The following SESN1 variants were observed in gnomAD, a reference collection of about 807,000 sequenced individuals.
SESN1 encodes sestrin 1, also known as sestrin-1.
A neutral mutation model predicts 59.3 loss-of-function variants in SESN1; 30 were observed. The ratio of observed to expected loss-of-function variants is 0.51; its 90% CI spans 0.38 to 0.69. SESN1 has a LOEUF of 0.69. SESN1 is among the 30% of genes least tolerant of loss of function. The pLI is 0.00. For missense variants in SESN1, 566 were observed against 673.0 expected (o/e 0.84, Z 1.76); for synonymous variants, 197 against 219.9 (o/e 0.90, Z 0.92).
chr6:108,990,230 A>G (rs1779342031), intron 8 of SESN1, among the ~76,000 whole-genome samples: 1 of 152,186 alleles, frequency 6.6e-6, no homozygotes, highest in Non-Finnish European at 1.5e-5. Context: ...GAGAGCAAGT[A>G]CTCCTCAGAA....
At chr6:109,012,054 G>T (rs1779867696) in intron 1 of SESN1, among the ~76,000 whole-genome samples, 3 of 152,144 alleles carry the variant, frequency 2.0e-5, no homozygotes, top group Admixed American at 2.0e-4. Context: ...TGTTCTGAAG[G>T]TGCTGCTCCT....
chr6:109,028,205 A>G (rs1780125419), intron 1 of SESN1, among the ~76,000 whole-genome samples: 1 of 152,230 alleles, frequency 6.6e-6, no homozygotes. Context: ...AATAGATCAT[A>G]TAAATTTTAT....
chr6:109,019,817 A>AT (rs959910288), intron 1 of SESN1, among the ~76,000 whole-genome samples: 1 of 152,226 alleles, frequency 6.6e-6, no homozygotes, highest in Non-Finnish European at 1.5e-5. Context: ...AACTTGCTTT[A>AT]TGTCAATAAA....
intron 1 of SESN1, among the ~76,000 whole-genome samples, chr6:109,041,372 G>A (rs148885963): frequency 6.6e-6 from 1 of 151,990 alleles, no homozygotes; most frequent in Non-Finnish European, 1.5e-5. Context: ...ATGACCTTTT[G>A]CTATTTCTCA....
intron 1 of SESN1, among the ~76,000 whole-genome samples, chr6:109,089,625 T>C (rs1007868748): frequency 6.6e-6 from 1 of 152,108 alleles, no homozygotes; most frequent in African/African-American, 2.4e-5. Flanking sequence ...CAGTCATTTT[T>C]CCCCTAAATT....
At chr6:109,044,579 T>A (rs923315326) in intron 1 of SESN1, among the ~76,000 whole-genome samples, 9 of 152,090 alleles carry the variant, frequency 5.9e-5, no homozygotes, top group African/African-American at 2.2e-4. Flanking sequence ...TACATCTAGA[T>A]CACCCTGAAT....
At chr6:109,000,714 C>T (rs936895704) in intron 3 of SESN1, 41 bp from the exon 4 acceptor site, 1 of 1,415,424 alleles carries the variant, frequency 7.1e-7, no homozygotes, top group African/African-American at 1.5e-5. Context: ...ATATTAAAAC[C>T]TTGAACTACA....
chr6:109,048,814 T>C (rs1288370424), intron 1 of SESN1, among the ~76,000 whole-genome samples: 2 of 152,186 alleles, frequency 1.3e-5, no homozygotes, highest in East Asian at 3.8e-4. Flanking sequence ...TCACAATTTA[T>C]TCTATGTGTT....
chr6:109,010,776 A>C (rs1779845477), intron 1 of SESN1, among the ~76,000 whole-genome samples: 1 of 152,242 alleles, frequency 6.6e-6, no homozygotes, highest in Admixed American at 6.5e-5. Context: ...AGAAAAGGCT[A>C]CAGAGGCTTC....
At chr6:109,093,224 A>G (rs1583304572) in intron 1 of SESN1, among the ~76,000 whole-genome samples, 2 of 152,340 alleles carry the variant, frequency 1.3e-5, no homozygotes, top group South Asian at 4.1e-4. Flanking sequence ...GCAATTTGCC[A>G]TAAAAGTGTT....
rs1404436026 is a variant in SESN1 at position 109,009,549 on chromosome 6, G to A, written c.280-7206C>T. 64 of 994,890 alleles carry A rather than the reference G, an allele frequency of 6.4e-5. 1 individual carries two copies. The East Asian group carries it at 2.3e-3, about 35-fold the overall frequency. The allele number at this position is 994,890 out of a possible 1,614,324, so 61.6% of individuals were successfully genotyped here. A position where few individuals can be genotyped will look rare whatever the true frequency, so the allele number is the denominator to read the frequency against. ...CTGGCTGCAGCGCCTCAGTCAGCAC[G>A]GACGGCGGGGGGGCGGGGCGGCGCC... is the stretch of plus-strand genomic sequence containing the variant. On this transcript the variant is annotated intron_variant, in intron 1 of 9. Coordinates refer to ENST00000436639, the MANE Select transcript of SESN1 (RefSeq NM_014454.3).
intron 1 of SESN1, among the ~76,000 whole-genome samples, chr6:109,078,169 A>G (rs2114472836): frequency 6.6e-6 from 1 of 152,166 alleles, no homozygotes; most frequent in African/African-American, 2.4e-5. Context: ...TTCAATAATT[A>G]CAATAAGTTC....
At chr6:109,046,834 A>C (rs1583285738) in intron 1 of SESN1, among the ~76,000 whole-genome samples, 4 of 116,162 alleles carry the variant, frequency 3.4e-5, no homozygotes, top group African/African-American at 6.6e-5. Flanking sequence ...AAGTGAGGAG[A>C]CCCTCTGCCT....
chr6:109,079,105 T>A (rs1781077556), intron 1 of SESN1, among the ~76,000 whole-genome samples: 1 of 151,396 alleles, frequency 6.6e-6, no homozygotes, highest in Admixed American at 6.6e-5. Flanking sequence ...ACACTTCTGA[T>A]AAATTCTCAT....
At chr6:109,040,387 G>T (rs913561633) in intron 1 of SESN1, among the ~76,000 whole-genome samples, 2 of 152,120 alleles carry the variant, frequency 1.3e-5, no homozygotes, top group Non-Finnish European at 2.9e-5. Flanking sequence ...GGATTAAAAG[G>T]TTTCATTTAT....
Position 108,990,571 on chromosome 6 carries a change from A to G in SESN1, c.1424+74T>C, listed in dbSNP as rs886106410. 9 of 1,303,838 alleles carry G rather than the reference A, an allele frequency of 6.9e-6. No homozygotes were observed. In the African/African-American group the frequency reaches 1.3e-4, roughly 19 times the overall value. 80.8% of individuals were successfully genotyped at this position (1,303,838 alleles called of 1,614,324 possible). ...TTTGATTATGTGTGTGTCTATGTGCATGTGCGCTCCAAGCACTTGAATAAT... is the reference window on the plus strand; with the variant it reads ...TTTGATTATGTGTGTGTCTATGTGCGTGTGCGCTCCAAGCACTTGAATAAT... On this transcript the variant is annotated intron_variant, in intron 8 of 9. Coordinates refer to ENST00000436639, the MANE Select transcript of SESN1 (RefSeq NM_014454.3).
intron 1 of SESN1, among the ~76,000 whole-genome samples, chr6:109,022,742 C>T (rs1780032463): frequency 6.6e-6 from 1 of 151,920 alleles, no homozygotes; most frequent in Non-Finnish European, 1.5e-5. Flanking sequence ...TATTTTAACT[C>T]ATTTAACTAT....
chr6:109,033,232 TAAG>T (rs1780209710), intron 1 of SESN1, among the ~76,000 whole-genome samples: 1 of 152,080 alleles, frequency 6.6e-6, no homozygotes, highest in Admixed American at 6.6e-5. Context: ...GTGGTCTGGT[TAAG>T]AAGTAACAAA....
intron 1 of SESN1, among the ~76,000 whole-genome samples, chr6:109,025,375 G>GAAAT (rs1173685541): frequency 6.6e-6 from 1 of 151,576 alleles, no homozygotes. Flanking sequence ...GTTCCAGTTA[G>GAAAT]AAATAAATAG....
Sources: allele counts gnomAD v4.1 joint callset (sites outside exome capture counted in the v4.1 genomes callset), GRCh38; gene constraint gnomAD v4.1.1; transcripts MANE v1.5; gene names NCBI Gene and HGNC (gene_info 2026-07-23, HGNC 2026-07-21).